The following DOCK5 variants were observed in gnomAD, a reference collection of about 807,000 sequenced individuals.
DOCK5 encodes dedicator of cytokinesis 5.
DOCK5 carries 142 observed loss-of-function variants against 251.8 expected under a neutral mutation model. The ratio of observed to expected loss-of-function variants is 0.56; its 90% CI spans 0.49 to 0.65. The LOEUF (loss-of-function observed/expected upper bound fraction) is 0.65. Ranked by LOEUF, DOCK5 falls within the 30% of genes least tolerant of loss-of-function variation. DOCK5 has a pLI of 0.00. For synonymous variants in DOCK5, 842 were observed against 835.5 expected, an observed-to-expected ratio of 1.01 and a Z score of -0.13; for missense variants, 2,111 against 2,312.3, an observed-to-expected ratio of 0.91 and a Z score of 1.79.
At chr8:25,231,309 G>C (rs1802663509) in intron 1 of DOCK5, among the ~76,000 whole-genome samples, 1 of 152,108 alleles carries the variant, frequency 6.6e-6, no homozygotes, top group South Asian at 2.1e-4. Flanking sequence ...CATTAGGGGT[G>C]AATCTCTTTT....
At chr8:25,357,346 A>T (rs910599494) in intron 27 of DOCK5, among the ~76,000 whole-genome samples, 2 of 145,936 alleles carry the variant, frequency 1.4e-5, no homozygotes, top group Non-Finnish European at 3.0e-5. Context: ...CAATAAGTTT[A>T]TACTGCTTTA....
chr8:25,212,741 G>A lies in DOCK5; in HGVS notation c.43+27790G>A, dbSNP rs897452342. ...AGAGGGTCGAAAACCCCTTTATGCT[G>A]GACTAGAGGAAAACCTCAGCAAGGG... On this transcript the variant is annotated intron_variant, in intron 1 of 51. Transcript: ENST00000276440. 2.7e-4 allele frequency among the ~76,000 whole-genome samples: 19 copies of A among 69,410 alleles called. 7 individuals are homozygous for A. The highest frequency in any genetic ancestry group is 4.9e-4 in the African/African-American group (15 of 30,626). 45.5% of individuals were successfully genotyped at this position (69,410 alleles called of 152,430 possible).
intron 1 of DOCK5, among the ~76,000 whole-genome samples, chr8:25,237,535 G>C (rs1802834263): frequency 6.6e-6 from 1 of 152,132 alleles, no homozygotes; most frequent in Admixed American, 6.5e-5. Context: ...TGTAAGCCTG[G>C]TTTAAAAGAA....
intron 18 of DOCK5, among the ~76,000 whole-genome samples, chr8:25,327,665 C>G (rs1408277927): frequency 6.6e-6 from 1 of 152,112 alleles, no homozygotes; most frequent in Non-Finnish European, 1.5e-5. Context: ...TCTTAACTAG[C>G]CTGTACTGTC....
At chr8:25,388,650 A>C (rs1801204702) in intron 40 of DOCK5, among the ~76,000 whole-genome samples, 1 of 152,272 alleles carries the variant, frequency 6.6e-6, no homozygotes, top group African/African-American at 2.4e-5. Flanking sequence ...TGGTCCACAA[A>C]TTGTTGCTGG....
At chr8:25,385,953 A>G (rs914129157) in intron 40 of DOCK5, among the ~76,000 whole-genome samples, 4 of 152,250 alleles carry the variant, frequency 2.6e-5, no homozygotes, top group African/African-American at 4.8e-5. Flanking sequence ...GGTTGAGCAA[A>G]GGTCCCAGAC....
chr8:25,251,688 T>A (rs1225212413), intron 2 of DOCK5, among the ~76,000 whole-genome samples: 1 of 152,074 alleles, frequency 6.6e-6, no homozygotes, highest in Admixed American at 6.6e-5. Context: ...CTAACAGAGA[T>A]ATAAAAAAGA....
At chr8:25,357,373 CTTTTTTTTT>C (rs397891518) in intron 27 of DOCK5, among the ~76,000 whole-genome samples, 6 of 92,628 alleles carry the variant, frequency 6.5e-5, no homozygotes, top group African/African-American at 1.7e-4. Context: ...AAAAAATAAA[CTTTTTTTTT>C]TTTTTTTTTT....
At chr8:25,290,003 T>C (rs186845796) in intron 5 of DOCK5, among the ~76,000 whole-genome samples, 63 of 152,288 alleles carry the variant, frequency 4.1e-4, no homozygotes, top group African/African-American at 1.5e-3. Context: ...AAGATCATAT[T>C]GTCCTATTTA....
chr8:25,256,060 G>T lies in DOCK5; in HGVS notation c.127+12303G>T, dbSNP rs144286595. Among the ~76,000 whole-genome samples, 632 of 152,232 alleles carry T rather than the reference G, an allele frequency of 4.2e-3. 2 individuals carry two copies. Among genetic ancestry groups the T allele is most frequent in the African/African-American group, 0.015 (606 of 41,534 alleles). On this transcript the variant is annotated intron_variant, in intron 2 of 51. Transcript: ENST00000276440. ...ACTTCTCTTCCTTGCCTCATCTCCA[G>T]GTATAATTCAAGCTACAAATAAGAA...
chr8:25,405,834 A>G (rs1397189796), intron 48 of DOCK5, among the ~76,000 whole-genome samples: 1 of 152,028 alleles, frequency 6.6e-6, no homozygotes, highest in Non-Finnish European at 1.5e-5. Context: ...ATATATTTAA[A>G]TAATATATTG....
rs530850716 is a variant in DOCK5, at chr8:25,379,767, A to G, written c.3937-538A>G. The stretch of plus-strand genomic sequence containing the variant: ...TGCCGCAGCTCCAGCCGGTCCCTCC[A>G]TTCGGGGTCCCTGACTTCCTGCAAC... On this transcript the variant is annotated intron_variant, in intron 38 of 51. Transcript: ENST00000276440. 2.0e-3 allele frequency among the ~76,000 whole-genome samples: 298 copies of G among 152,144 alleles called. 2 individuals are homozygous for G. Among genetic ancestry groups the G allele is most frequent in the Admixed American group, 3.7e-3 (57 of 15,262 alleles).
At chr8:25,354,484 G>C (rs868796713) in intron 27 of DOCK5, among the ~76,000 whole-genome samples, 2 of 152,174 alleles carry the variant, frequency 1.3e-5, no homozygotes, top group African/African-American at 2.4e-5. Context: ...AGCTCCATAT[G>C]TTTGAAGGGA....
intron 40 of DOCK5, 43 bp from the exon 41 acceptor site, chr8:25,389,048 C>T (rs1283135145): frequency 1.3e-6 from 2 of 1,598,526 alleles, no homozygotes; most frequent in Non-Finnish European, 1.7e-6. Flanking sequence ...TGCCTCTCCA[C>T]TCTTCCTATG....
chr8:25,187,144 C>G (rs929200990), intron 1 of DOCK5, among the ~76,000 whole-genome samples: 1 of 150,206 alleles, frequency 6.7e-6, no homozygotes, highest in African/African-American at 2.5e-5. Flanking sequence ...GAGGGTGCAC[C>G]GAGCCCCCAT....
intron 5 of DOCK5, among the ~76,000 whole-genome samples, chr8:25,287,886 C>CT (rs397892746): frequency 0.17 from 23,629 of 138,762 alleles, 2,208 homozygotes; most frequent in Admixed American, 0.26. Flanking sequence ...AGCATATGCT[C>CT]TTTTTTTTTT....
Position 25,400,996 on chromosome 8 carries a change from A to G in DOCK5, c.4856A>G (p.His1619Arg), listed in dbSNP as rs758236452. Residue 1619 changes from histidine (H) to arginine (R), a missense_variant, in exon 47 of 52, where the codon CAT becomes CGT. By Grantham distance (29) the His-to-Arg change is conservative. Coordinates refer to ENST00000276440, the MANE Select transcript of DOCK5 (RefSeq NM_024940.8). ...CTCACAGAGCAGCTGAAGCCGCTGC[A>G]TGAGCGGTTGTCTTCTTGCTTCCGG... ...EKLTEQLKPL[H>R]ERLSSCFREL... is the part of the protein sequence containing the mutation. 6 of 1,614,046 alleles carry G rather than the reference A, an allele frequency of 3.7e-6. No homozygotes were observed. The South Asian group carries it at 4.4e-5, about 12-fold the overall frequency.
chr8:25,241,890 A>G (rs911216400), intron 1 of DOCK5, among the ~76,000 whole-genome samples: 1 of 152,134 alleles, frequency 6.6e-6, no homozygotes, highest in African/African-American at 2.4e-5. Context: ...ATTCTCAGCA[A>G]AGTAACACAG....
intron 6 of DOCK5, among the ~76,000 whole-genome samples, chr8:25,293,918 C>T (rs533841749): frequency 1.6e-4 from 25 of 152,264 alleles, no homozygotes; most frequent in African/African-American, 5.8e-4. Flanking sequence ...GCACAAGAAT[C>T]GCTGGAACTC....
Sources: allele counts gnomAD v4.1 joint callset (sites outside exome capture counted in the v4.1 genomes callset), GRCh38; gene constraint gnomAD v4.1.1; transcripts MANE v1.5; gene names NCBI Gene and HGNC (gene_info 2026-07-23, HGNC 2026-07-21).